Variants in HSP90AA1 observed in about 807,000 individuals in gnomAD.
The protein encoded by HSP90AA1 is heat shock protein 90 alpha family class A member 1.
In HSP90AA1, 18 loss-of-function variants were observed where a neutral mutation model predicts 73.3. That is an observed-to-expected ratio of 0.25 (90% CI 0.17 to 0.36). The LOEUF (loss-of-function observed/expected upper bound fraction) is 0.36. HSP90AA1 is among the 10% of genes least tolerant of loss of function. HSP90AA1 has a pLI of 1.00. For missense variants in HSP90AA1, 704 were observed against 874.2 expected, an observed-to-expected ratio of 0.81 and a Z score of 2.45; for synonymous variants, 477 against 296.9, an observed-to-expected ratio of 1.61 and a Z score of -6.24.
At chr14:102,139,149 A>G (rs1478276690) in intron 1 of HSP90AA1, 28 of 1,380,836 alleles carry the variant, frequency 2.0e-5, no homozygotes, top group Non-Finnish European at 2.4e-5. Flanking sequence ...AGGAATTAGG[A>G]TATCTGGCTT....
At chr14:102,107,952 A>ATT (rs3068103) in intron 1 of HSP90AA1, among the ~76,000 whole-genome samples, 106,465 of 147,844 alleles carry the variant, frequency 0.72, 42,139 homozygotes, top group East Asian at 0.92. Flanking sequence ...TCTCTCTTAA[A>ATT]TTTTTTTTTT....
At chr14:102,123,379 C>T (rs560339106) in intron 1 of HSP90AA1, among the ~76,000 whole-genome samples, 3 of 152,106 alleles carry the variant, frequency 2.0e-5, no homozygotes, top group Admixed American at 6.5e-5. Flanking sequence ...CAGAGCGAGA[C>T]TCGGTCTAAA....
chr14:102,084,254 C>A, intron 6 of HSP90AA1, 145 bp downstream of exon 6: 1 of 764,660 alleles, frequency 1.3e-6, no homozygotes, highest in Non-Finnish European at 2.2e-6. Context: ...CCATGTTGCC[C>A]AGGCTGGTCT....
At chr14:102,082,544 A>G (rs888333083) in intron 9 of HSP90AA1, 100 bp from the exon 10 acceptor site, 33 of 840,048 alleles carry the variant, frequency 3.9e-5, no homozygotes, top group Non-Finnish European at 6.3e-5. Context: ...TAGATCCAAA[A>G]TACTATCTAC....
In HSP90AA1 at chr14:102,085,740, G is replaced by GGTC; in HGVS notation, c.529+17_529+18insGAC. On this transcript the variant is annotated intron_variant, in intron 3 of 10. Transcript: ENST00000216281. Reference sequence around the variant, plus strand: ...CCCTTCCACCGCTCACTTAACCAGTGAATGTTCAGGTGCCTACCTGTGTCT... The same window carrying GGTC: ...CCCTTCCACCGCTCACTTAACCAGTGGTCAATGTTCAGGTGCCTACCTGTGTCT... 6.2e-7 allele frequency: 1 copy of GGTC among 1,613,932 alleles called. No homozygotes were observed. The highest frequency in any genetic ancestry group is 1.7e-5 in the Admixed American group (1 of 59,996).
At chr14:102,101,961 T>C (rs775818714) in exon 2 of HSP90AA1, 8 of 1,613,962 alleles carry the variant, frequency 5.0e-6, no homozygotes, top group South Asian at 1.1e-5. Flanking sequence ...AGTGACGCGG[T>C]GACAGGGAAT....
At chr14:102,130,058 C>A (rs2049889559) in intron 1 of HSP90AA1, among the ~76,000 whole-genome samples, 2 of 151,414 alleles carry the variant, frequency 1.3e-5, no homozygotes, top group African/African-American at 4.9e-5. Context: ...GCAACCTCCG[C>A]CTCCTGGGTT....
chr14:102,137,885 C>T (rs2152628934), intron 1 of HSP90AA1, among the ~76,000 whole-genome samples: 1 of 151,722 alleles, frequency 6.6e-6, no homozygotes, highest in African/African-American at 2.4e-5. Context: ...CGTGGTGGTG[C>T]ACATCTGTAG....
chr14:102,108,586 A>C (rs1595671879), intron 1 of HSP90AA1, among the ~76,000 whole-genome samples: 1 of 127,814 alleles, frequency 7.8e-6, no homozygotes, highest in Admixed American at 9.8e-5. Flanking sequence ...CCCATGCTGG[A>C]GTGCAATGGC....
chr14:102,089,695 T>TC (rs1202165453), upstream of HSP90AA1, among the ~76,000 whole-genome samples: 1 of 151,794 alleles, frequency 6.6e-6, no homozygotes, highest in Non-Finnish European at 1.5e-5. Context: ...CTCATGAGCT[T>TC]CCCCCCTGTC....
At chr14:102,108,015 A>G (rs978259815) in intron 1 of HSP90AA1, among the ~76,000 whole-genome samples, 1 of 150,904 alleles carries the variant, frequency 6.6e-6, no homozygotes, top group Non-Finnish European at 1.5e-5. Context: ...CTGTAATACC[A>G]GCACTTTGGG....
chr14:102,085,142 A>G (rs2049194723), intron 4 of HSP90AA1, 144 bp from the exon 5 acceptor site: 4 of 1,481,380 alleles, frequency 2.7e-6, no homozygotes, highest in Non-Finnish European at 3.8e-6. Context: ...TGATACATCC[A>G]CTTAATAGCC....
rs190875858 is a variant in HSP90AA1 at position 102,103,630 on chromosome 14, C to A, written c.156-1545G>T. 5.3e-5 allele frequency among the ~76,000 whole-genome samples: 8 copies of A among 151,862 alleles called. No homozygotes were observed. The East Asian group carries it at 1.5e-3, about 29-fold the overall frequency. On this transcript the variant is annotated intron_variant, in intron 1 of 11. Transcript: ENST00000334701. ...ACCAGTCTGGCCAACATGGTGAAACCCTGTCTCTACTAAAATACAAAAAAT... is the reference window on the plus strand; with the variant it reads ...ACCAGTCTGGCCAACATGGTGAAACACTGTCTCTACTAAAATACAAAAAAT...
intron 1 of HSP90AA1, among the ~76,000 whole-genome samples, chr14:102,107,197 G>C (rs2049579928): frequency 6.6e-6 from 1 of 152,038 alleles, no homozygotes; most frequent in Admixed American, 6.5e-5. Flanking sequence ...AGGGTGGGGA[G>C]TCTGGAAGCA....
intron 8 of HSP90AA1, 25 bp downstream of exon 8, chr14:102,083,521 T>A: frequency 6.2e-7 from 1 of 1,609,436 alleles, no homozygotes; most frequent in Non-Finnish European, 8.5e-7. Context: ...ACGACGTGTA[T>A]GACTGTAACA....
rs776771685 is a variant in HSP90AA1, at chr14:102,104,321, T to C, written c.156-2236A>G. ...GCCTCCTGGATGCAAGCGATTCTCC[T>C]GCCTCAGCCTCCCGAGTAGCTGGGA... On this transcript the variant is annotated intron_variant, in intron 1 of 11. Transcript: ENST00000334701. 2.0e-5 allele frequency among the ~76,000 whole-genome samples: 3 copies of C among 152,286 alleles called. No homozygotes were observed. In the East Asian group the frequency reaches 5.8e-4, roughly 29 times the overall value.
rs1190597 is a variant in HSP90AA1 at position 102,129,193 on chromosome 14, G to C, written c.155+10057C>G. Among the ~76,000 whole-genome samples the C allele has an allele frequency of 8.8e-4, 130 of 147,470 alleles. 1 individual carries two copies. The highest frequency in any genetic ancestry group is 1.1e-3 in the Non-Finnish European group (72 of 67,490). On this transcript the variant is annotated intron_variant, in intron 1 of 11. Coordinates refer to the HSP90AA1 transcript ENST00000334701. Reference sequence around the variant, plus strand: ...ACTCTGTCGCCCAGGCTGGAATGCAGTGGGGCAATCTCAGCTCACTGCAAC... The same window carrying C: ...ACTCTGTCGCCCAGGCTGGAATGCACTGGGGCAATCTCAGCTCACTGCAAC...
intron 1 of HSP90AA1, among the ~76,000 whole-genome samples, chr14:102,120,056 G>A (rs2049756686): frequency 6.6e-6 from 1 of 152,068 alleles, no homozygotes; most frequent in Admixed American, 6.6e-5. Flanking sequence ...AATAATTATA[G>A]GGCTACTTAG....
At chr14:102,089,015 G>A (rs1225338314), upstream of HSP90AA1, among the ~76,000 whole-genome samples, 1 of 151,674 alleles carries the variant, frequency 6.6e-6, no homozygotes, top group African/African-American at 2.4e-5. Context: ...CTACCTCCTG[G>A]GTTCAAGCGA....
Sources: gnomAD v4.1 joint callset for allele counts (sites outside exome capture counted in the v4.1 genomes callset) on GRCh38, gnomAD v4.1.1 for gene constraint, MANE v1.5 for transcripts, NCBI Gene and HGNC (gene_info 2026-07-23, HGNC 2026-07-21) for gene names.